The following PARVG variants were observed in gnomAD, a reference collection of about 807,000 sequenced individuals.
The protein encoded by PARVG is gamma-parvin.
A neutral mutation model predicts 44.4 loss-of-function variants in PARVG; 36 were observed. That is an observed-to-expected ratio of 0.81 (90% confidence interval 0.62 to 1.07). PARVG has a LOEUF of 1.07. Among genes scored for constraint, PARVG ranks in the 50% least tolerant of loss-of-function variants. The pLI is 0.00. For missense variants in PARVG, 407 were observed against 407.4 expected (o/e 1.00, Z 0.01); for synonymous variants, 170 against 174.1 (o/e 0.98, Z 0.19).
At chr22:44,183,640 A>G (rs1466541768) in intron 3 of PARVG, 1 of 491,106 alleles carries the variant, frequency 2.0e-6, no homozygotes, top group African/African-American at 2.0e-5. Flanking sequence ...TACGATGGTG[A>G]ATACTGATTG....
chr22:44,180,909 G>A (rs1037218755), upstream of PARVG: 1 of 985,302 alleles, frequency 1.0e-6, no homozygotes, highest in Non-Finnish European at 1.2e-6. Flanking sequence ...ATTTCAGCCC[G>A]GATGGTGAAG....
chr22:44,202,912 C>T (rs1397926622), intron 12 of PARVG, among the ~76,000 whole-genome samples: 2 of 152,202 alleles, frequency 1.3e-5, no homozygotes, highest in Non-Finnish European at 2.9e-5. Context: ...CGTCCTTCCA[C>T]GTTAAATTAC....
At position 44,189,178 on chromosome 22, in the gene PARVG, C is replaced by G. The variant is rs1408490450; in HGVS notation, c.312C>G (p.His104Gln). 6.2e-7 allele frequency: 1 copy of G among 1,614,246 alleles called. No homozygotes were observed. The highest frequency in any genetic ancestry group is 1.1e-5 in the South Asian group (1 of 91,080). The change falls in exon 6 of 14, where the codon CAC becomes CAG. Residue 104 changes from histidine to glutamine, a missense_variant. His to Gln is a conservative substitution (Grantham distance 24). Transcript: ENST00000444313. ...DIALTATSQK[H>Q]KLTVVLEAVN... ...CCCTGACAGCCACAAGCCAGAAGCA[C>G]AAGCTCACAGTGGTGCTGGAGGCCG... is the stretch of plus-strand genomic sequence containing the variant.
intron 11 of PARVG, 48 bp downstream of exon 11, chr22:44,196,463 G>A (rs537738492): frequency 1.9e-5 from 31 of 1,603,016 alleles, no homozygotes; most frequent in South Asian, 1.8e-4. Context: ...GCCACTGGCC[G>A]TAGGAAGGAA....
chr22:44,198,937 T>TCCATCCATCCATCCATCCATCCAC (rs1569186424), intron 12 of PARVG, among the ~76,000 whole-genome samples: 4 of 30,680 alleles, frequency 1.3e-4, no homozygotes, highest in Non-Finnish European at 2.2e-4. Context: ...CATCCATCCA[T>TCCATCCATCCATCCATCCATCCAC]CCACCCACCC....
intron 1 of PARVG, chr22:44,181,487 T>G (rs972715668): frequency 1.2e-6 from 1 of 818,878 alleles, no homozygotes; most frequent in Admixed American, 6.3e-5. Flanking sequence ...AGGGTGCTGG[T>G]GGTGGGTTGC....
upstream of PARVG, among the ~76,000 whole-genome samples, chr22:44,176,855 AAGG>A (rs2147212018): frequency 6.6e-6 from 1 of 152,256 alleles, no homozygotes; most frequent in African/African-American, 2.4e-5. Context: ...GTGGAAGGCG[AAGG>A]AGGAGCAAAG....
chr22:44,173,723 T>C (rs1184338138), intron 1 of PARVG, among the ~76,000 whole-genome samples: 1 of 152,144 alleles, frequency 6.6e-6, no homozygotes, highest in Non-Finnish European at 1.5e-5. Context: ...AAGTCAGCCA[T>C]TGTCAGCAGA....
intron 1 of PARVG, chr22:44,181,488 G>A: frequency 1.2e-6 from 1 of 807,948 alleles, no homozygotes. Context: ...GGGTGCTGGT[G>A]GTGGGTTGCG....
intron 13 of PARVG, 94 bp from the exon 14 acceptor site, chr22:44,206,223 A>C: frequency 1.1e-6 from 1 of 920,682 alleles, no homozygotes; most frequent in East Asian, 2.4e-5. Context: ...ATTAGCACTG[A>C]AATCCTGAAT....
At chr22:44,197,297 C>T (rs2054631689) in intron 11 of PARVG, among the ~76,000 whole-genome samples, 1 of 152,176 alleles carries the variant, frequency 6.6e-6, no homozygotes, top group Non-Finnish European at 1.5e-5. Flanking sequence ...CACTATGTGC[C>T]AGTCCCAGGG....
intron 12 of PARVG, among the ~76,000 whole-genome samples, chr22:44,199,731 G>A (rs1196673506): frequency 2.0e-5 from 3 of 152,194 alleles, no homozygotes; most frequent in African/African-American, 7.2e-5. Flanking sequence ...TCAGGGATTG[G>A]TTTGCAGAGT....
chr22:44,178,866 T>C (rs1201312592), upstream of PARVG, among the ~76,000 whole-genome samples: 1 of 152,226 alleles, frequency 6.6e-6, no homozygotes, highest in African/African-American at 2.4e-5. Flanking sequence ...GAAAACCTTC[T>C]ATCAATGCTA....
At chr22:44,206,074 C>A (rs1453901880) in intron 13 of PARVG, among the ~76,000 whole-genome samples, 1 of 152,096 alleles carries the variant, frequency 6.6e-6, no homozygotes, top group Non-Finnish European at 1.5e-5. Flanking sequence ...AGAAGCCAGA[C>A]CTTGAGGAGT....
intron 4 of PARVG, chr22:44,186,938 G>A: frequency 3.2e-6 from 1 of 310,084 alleles, no homozygotes; most frequent in South Asian, 2.8e-5. Flanking sequence ...GTGAACAGCT[G>A]CTCCCTGAGA....
intron 1 of PARVG, chr22:44,181,396 G>C (rs1324908027): frequency 1.0e-6 from 1 of 985,442 alleles, no homozygotes; most frequent in Non-Finnish European, 1.2e-6. Context: ...GTGGTCCCGG[G>C]AGAGGAAGGG....
At position 44,204,068 on chromosome 22, in the gene PARVG, C is replaced by T. The variant is rs1001663052; in HGVS notation, c.814-1689C>T. On this transcript the variant is annotated intron_variant, in intron 12 of 13. Transcript: ENST00000444313. The stretch of plus-strand genomic sequence containing the variant: ...CCATGTTGGCCAGGCTGGTCTCGAA[C>T]TCCTGACCTCAGGTGATCTGCCCAC... 2.0e-5 allele frequency among the ~76,000 whole-genome samples: 3 copies of T among 152,346 alleles called. No individual in the cohort carries two copies. The East Asian group carries it at 5.8e-4, about 29-fold the overall frequency.
chr22:44,184,908 T>G (rs139130), intron 3 of PARVG: 1 of 151,816 alleles, frequency 6.6e-6, no homozygotes, highest in South Asian at 2.1e-4. Context: ...CTGATTTAAA[T>G]TACTAAAAGT....
At chr22:44,198,953 T>TCCATCCACCCACCCCCCCACCCACCCAC (rs1569186509) in intron 12 of PARVG, among the ~76,000 whole-genome samples, 1 of 31,756 alleles carries the variant, frequency 3.1e-5, no homozygotes, top group African/African-American at 8.5e-5. Flanking sequence ...CACCCATCCA[T>TCCATCCACCCACCCCCCCACCCACCCAC]CCATCCATCC....
Sources: gnomAD v4.1 joint callset for allele counts (sites outside exome capture counted in the v4.1 genomes callset) on GRCh38, gnomAD v4.1.1 for gene constraint, MANE v1.5 for transcripts, NCBI Gene and HGNC (gene_info 2026-07-23, HGNC 2026-07-21) for gene names.